Variants in ENOX1 observed in about 807,000 individuals in gnomAD.
ENOX1 encodes ecto-NOX disulfide-thiol exchanger 1.
A neutral mutation model predicts 82.5 loss-of-function variants in ENOX1; 42 were observed. That is an observed-to-expected ratio of 0.51 (90% CI 0.40 to 0.66). The LOEUF is 0.66. Ranked by LOEUF, ENOX1 falls within the 30% of genes least tolerant of loss-of-function variation. The pLI, the probability that ENOX1 is intolerant of heterozygous loss-of-function variation, is 0.00. For synonymous variants in ENOX1, 271 were observed against 282.2 expected (o/e 0.96, Z 0.40); for missense variants, 608 against 811.6 (o/e 0.75, Z 3.05).
chr13:43,598,102 A>G (rs943039969), intron 2 of ENOX1, among the ~76,000 whole-genome samples: 1 of 152,132 alleles, frequency 6.6e-6, no homozygotes, highest in African/African-American at 2.4e-5. Context: ...CCGGCTCTAC[A>G]GAGCTGACTG....
At position 43,471,578 on chromosome 13, in the gene ENOX1, A is replaced by G. The variant is rs569479015; in HGVS notation, c.-75+12431T>C. Reference sequence around the variant, plus strand: ...GTAATCCCAGCGCTTTGGGAGGTCAAGGTGGGAGGATCACAGGGTCAGGAG... The same window carrying G: ...GTAATCCCAGCGCTTTGGGAGGTCAGGGTGGGAGGATCACAGGGTCAGGAG... On this transcript the variant is annotated intron_variant, in intron 3 of 16. Transcript: ENST00000690772. Among the ~76,000 whole-genome samples, 21 of 152,286 alleles carry G rather than the reference A, an allele frequency of 1.4e-4. No homozygotes were observed. The South Asian group carries it at 4.4e-3, about 32-fold the overall frequency.
At chr13:43,244,880 T>G (rs1352260696) in intron 14 of ENOX1, among the ~76,000 whole-genome samples, 2 of 152,240 alleles carry the variant, frequency 1.3e-5, no homozygotes, top group Non-Finnish European at 2.9e-5. Context: ...TCATAGGCCC[T>G]ACTCTTAAAC....
intron 5 of ENOX1, among the ~76,000 whole-genome samples, chr13:43,386,935 T>TA (rs140263875): frequency 0.011 from 1,728 of 152,234 alleles, 26 homozygotes; most frequent in African/African-American, 0.038. Context: ...GGAACACCTT[T>TA]AAAAAAATGG....
At chr13:43,533,797 T>C (rs1394156624) in intron 2 of ENOX1, among the ~76,000 whole-genome samples, 1 of 152,144 alleles carries the variant, frequency 6.6e-6, no homozygotes, top group African/African-American at 2.4e-5. Context: ...CCTACCTAAG[T>C]AACTCTGAAG....
intron 1 of ENOX1, among the ~76,000 whole-genome samples, chr13:43,734,642 G>A (rs2089518359): frequency 6.6e-6 from 1 of 152,128 alleles, no homozygotes; most frequent in African/African-American, 2.4e-5. Flanking sequence ...AAAACTTCAT[G>A]CTTCAACATC....
intron 15 of ENOX1, among the ~76,000 whole-genome samples, chr13:43,230,381 G>T (rs2042225988): frequency 6.6e-6 from 1 of 152,260 alleles, no homozygotes; most frequent in Non-Finnish European, 1.5e-5. Context: ...TTGGACAGGG[G>T]CAGGAAATGG....
At chr13:43,614,703 A>T (rs931462784) in intron 2 of ENOX1, among the ~76,000 whole-genome samples, 1 of 152,114 alleles carries the variant, frequency 6.6e-6, no homozygotes, top group African/African-American at 2.4e-5. Context: ...CCTAAGAGCC[A>T]CTAGGCTGTA....
intron 5 of ENOX1, among the ~76,000 whole-genome samples, chr13:43,407,756 T>C (rs1034577161): frequency 1.3e-5 from 2 of 152,156 alleles, no homozygotes; most frequent in Non-Finnish European, 2.9e-5. Context: ...ATAATACTTA[T>C]GTGACCTCCA....
chr13:43,217,403 C>A (rs150749059), intron 16 of ENOX1, among the ~76,000 whole-genome samples: 117 of 152,308 alleles, frequency 7.7e-4, no homozygotes, highest in African/African-American at 2.8e-3. Context: ...TCTTGGCTAG[C>A]ATGTACTGAA....
At chr13:43,649,310 C>A (rs2084042312) in intron 2 of ENOX1, among the ~76,000 whole-genome samples, 1 of 152,126 alleles carries the variant, frequency 6.6e-6, no homozygotes. Flanking sequence ...CCAGAGTTCC[C>A]AGACACACGC....
Position 43,529,548 on chromosome 13 carries a change from G to T in ENOX1, c.-218-45396C>A, listed in dbSNP as rs149684731. On this transcript the variant is annotated intron_variant, in intron 2 of 16. Coordinates refer to ENST00000690772, the MANE Select transcript of ENOX1 (RefSeq NM_001347969.2). ...GGAAAAAGAAATTTGTGCTAGTTTTGCTGTCACATCTCTTCAAACTGCAAA... is the reference window on the plus strand; with the variant it reads ...GGAAAAAGAAATTTGTGCTAGTTTTTCTGTCACATCTCTTCAAACTGCAAA... Among the ~76,000 whole-genome samples the T allele has an allele frequency of 7.9e-5, 12 of 152,186 alleles. 1 individual carries two copies. The highest frequency in any genetic ancestry group is 2.9e-4 in the African/African-American group (12 of 41,568).
chr13:43,601,015 T>C (rs935704613), intron 2 of ENOX1, among the ~76,000 whole-genome samples: 2 of 152,098 alleles, frequency 1.3e-5, no homozygotes, highest in South Asian at 4.2e-4. Flanking sequence ...CAAAAACTTA[T>C]AACACTAACA....
chr13:43,682,268 G>C (rs2085828279), intron 1 of ENOX1, among the ~76,000 whole-genome samples: 1 of 152,042 alleles, frequency 6.6e-6, no homozygotes, highest in African/African-American at 2.4e-5. Flanking sequence ...TTCATAAAAG[G>C]TATGAACTCA....
At chr13:43,411,506 T>G (rs1209811694) in intron 5 of ENOX1, among the ~76,000 whole-genome samples, 1 of 152,248 alleles carries the variant, frequency 6.6e-6, no homozygotes, top group African/African-American at 2.4e-5. Context: ...TCTGCTCTTC[T>G]GTTTCTCTAT....
intron 3 of ENOX1, among the ~76,000 whole-genome samples, chr13:43,478,742 T>C (rs1272984099): frequency 6.6e-6 from 1 of 152,170 alleles, no homozygotes; most frequent in Non-Finnish European, 1.5e-5. Context: ...AATCCCACTA[T>C]AAAAATTGAG....
At chr13:43,329,892 C>T (rs2048327694) in intron 9 of ENOX1, among the ~76,000 whole-genome samples, 1 of 152,128 alleles carries the variant, frequency 6.6e-6, no homozygotes, top group Non-Finnish European at 1.5e-5. Context: ...AGTTCCTGGG[C>T]ACACACGAAA....
chr13:43,217,292 T>C (rs1193879983), intron 16 of ENOX1, among the ~76,000 whole-genome samples: 1 of 152,130 alleles, frequency 6.6e-6, no homozygotes, highest in Non-Finnish European at 1.5e-5. Context: ...AGCAAAAAAC[T>C]GAAAATTCCC....
intron 12 of ENOX1, among the ~76,000 whole-genome samples, chr13:43,291,467 C>T (rs927059780): frequency 7.9e-5 from 12 of 152,314 alleles, no homozygotes; most frequent in Admixed American, 6.5e-4. Context: ...AACTATTTTA[C>T]TTTGTGCATC....
At chr13:43,445,141 T>G (rs2056560060) in intron 3 of ENOX1, among the ~76,000 whole-genome samples, 1 of 151,192 alleles carries the variant, frequency 6.6e-6, no homozygotes, top group Admixed American at 6.6e-5. Context: ...TTTTTTTTTT[T>G]GATACGGAGT....
Sources: allele counts gnomAD v4.1 joint callset (sites outside exome capture counted in the v4.1 genomes callset), GRCh38; gene constraint gnomAD v4.1.1; transcripts MANE v1.5; gene names NCBI Gene and HGNC (gene_info 2026-07-23, HGNC 2026-07-21).